PLD5: variants seen among roughly 807,000 people sequenced by gnomAD.
PLD5 encodes phospholipase D family member 5.
PLD5 carries 36 observed loss-of-function variants against 61.1 expected under a neutral mutation model. The ratio of observed to expected loss-of-function variants is 0.59; its 90% confidence interval spans 0.45 to 0.78. The LOEUF (loss-of-function observed/expected upper bound fraction) is 0.78. Among genes scored for constraint, PLD5 ranks in the 30% least tolerant of loss-of-function variants. PLD5 has a pLI of 0.00. For synonymous variants in PLD5, 243 were observed against 242.8 expected (o/e 1.00, Z -0.01); for missense variants, 515 against 644.4 (o/e 0.80, Z 2.17).
intron 6 of PLD5, among the ~76,000 whole-genome samples, chr1:242,115,761 T>A (rs2840616): frequency 0.85 from 129,753 of 152,178 alleles, 55,577 homozygotes; most frequent in South Asian, 0.95. Flanking sequence ...AGTGAAGGAA[T>A]ATCTGAGGGA....
intron 6 of PLD5, among the ~76,000 whole-genome samples, chr1:242,121,843 A>G (rs1156649332): frequency 6.6e-6 from 1 of 151,626 alleles, no homozygotes; most frequent in Non-Finnish European, 1.5e-5. Context: ...TCGCAAGGAC[A>G]GAAAACCAAA....
chr1:242,365,494 C>G, intron 1 of PLD5: 1 of 164,086 alleles, frequency 6.1e-6, no homozygotes, highest in East Asian at 1.8e-4. Flanking sequence ...AGAAGCTGGC[C>G]AAGAAGTAGG....
Position 242,298,885 on chromosome 1 carries a change from G to A in PLD5, c.327-10355C>T, listed in dbSNP as rs145987727. ...AAACTTGAGGAGGATGAAGACAAAA[G>A]AGGAAAACGGTGGAACGTAATGCAC... On this transcript the variant is annotated intron_variant, in intron 2 of 9. Transcript: ENST00000536534. Among the ~76,000 whole-genome samples, 1,121 of 152,248 alleles carry A rather than the reference G, an allele frequency of 7.4e-3. 10 individuals carry two copies. Among genetic ancestry groups the A allele is most frequent in the African/African-American group, 0.024 (1,002 of 41,552 alleles).
chr1:242,389,014 C>A (rs1217500484), intron 1 of PLD5, among the ~76,000 whole-genome samples: 1 of 150,246 alleles, frequency 6.7e-6, no homozygotes, highest in Non-Finnish European at 1.5e-5. Context: ...AAGATTGCGC[C>A]ACTGCACTCC....
At chr1:242,330,009 A>G (rs1204116049) in intron 2 of PLD5, among the ~76,000 whole-genome samples, 2 of 152,176 alleles carry the variant, frequency 1.3e-5, no homozygotes, top group Admixed American at 6.5e-5. Context: ...TTTAAACTGC[A>G]TAAGTTGTAA....
intron 1 of PLD5, among the ~76,000 whole-genome samples, chr1:242,496,858 T>A (rs113145813): frequency 1.2e-3 from 178 of 152,306 alleles, no homozygotes; most frequent in Non-Finnish European, 1.7e-3. Flanking sequence ...CTAGCTGCAG[T>A]ATGTGACTAA....
intron 1 of PLD5, among the ~76,000 whole-genome samples, chr1:242,437,739 G>C (rs1441658456): frequency 1.3e-5 from 2 of 152,098 alleles, no homozygotes; most frequent in African/African-American, 2.4e-5. Context: ...CTATGTGTCA[G>C]CTTCATCAAT....
chr1:242,215,043 A>ATTTTTTTTT (rs34759131), intron 5 of PLD5, among the ~76,000 whole-genome samples: 1 of 120,616 alleles, frequency 8.3e-6, no homozygotes, highest in African/African-American at 3.2e-5. Context: ...TGCCTGGCCA[A>ATTTTTTTTT]TTTTTTTTTT....
intron 3 of PLD5, among the ~76,000 whole-genome samples, chr1:242,275,764 G>A (rs1350904693): frequency 6.6e-6 from 1 of 152,196 alleles, no homozygotes; most frequent in Non-Finnish European, 1.5e-5. Context: ...AATGTTCCAG[G>A]TGGAGCCTAT....
chr1:242,451,550 C>G (rs1666779729), intron 1 of PLD5, among the ~76,000 whole-genome samples: 1 of 150,952 alleles, frequency 6.6e-6, no homozygotes, highest in Non-Finnish European at 1.5e-5. Flanking sequence ...ACTTCCGCCA[C>G]CCAGGGTCGA....
At position 242,310,076 on chromosome 1, in the gene PLD5, G is replaced by A. The variant is rs549526575; in HGVS notation, c.327-21546C>T. Among the ~76,000 whole-genome samples, 5 of 151,934 alleles carry A rather than the reference G, an allele frequency of 3.3e-5. No individual in the cohort carries two copies. In the East Asian group the frequency reaches 7.8e-4, roughly 24 times the overall value. On this transcript the variant is annotated intron_variant, in intron 2 of 9. Coordinates refer to ENST00000536534, the MANE Select transcript of PLD5 (RefSeq NM_001372062.1). ...CAATTTTTCTTTTTTCCAGCAAAAAGTCATCCTCACCAGGGGCTCCATACC... is the reference window on the plus strand; with the variant it reads ...CAATTTTTCTTTTTTCCAGCAAAAAATCATCCTCACCAGGGGCTCCATACC...
intron 1 of PLD5, among the ~76,000 whole-genome samples, chr1:242,433,880 A>G (rs1294239213): frequency 6.6e-6 from 1 of 152,176 alleles, no homozygotes; most frequent in Non-Finnish European, 1.5e-5. Flanking sequence ...GATTGTCACT[A>G]CTGAGGAGCA....
At chr1:242,191,422 C>A (rs1040497975) in intron 5 of PLD5, among the ~76,000 whole-genome samples, 1 of 152,022 alleles carries the variant, frequency 6.6e-6, no homozygotes, top group Non-Finnish European at 1.5e-5. Flanking sequence ...CCCATCTCTA[C>A]TATAAACACA....
At chr1:242,247,987 A>G (rs1256128048) in intron 4 of PLD5, among the ~76,000 whole-genome samples, 7 of 152,176 alleles carry the variant, frequency 4.6e-5, no homozygotes, top group African/African-American at 1.7e-4. Context: ...TGACCATCCA[A>G]TGGCACAAAT....
intron 4 of PLD5, among the ~76,000 whole-genome samples, chr1:242,254,111 G>C (rs1672875831): frequency 6.6e-6 from 1 of 152,122 alleles, no homozygotes; most frequent in Admixed American, 6.5e-5. Flanking sequence ...TCTTTCATCA[G>C]AAAATCACAG....
chr1:242,432,525 G>T (rs565179507), intron 1 of PLD5, among the ~76,000 whole-genome samples: 10 of 152,166 alleles, frequency 6.6e-5, no homozygotes, highest in Non-Finnish European at 1.3e-4. Context: ...GAAATCTGTC[G>T]TCTAAAGCTG....
intron 5 of PLD5, among the ~76,000 whole-genome samples, chr1:242,157,618 T>A (rs1353245533): frequency 1.3e-5 from 2 of 152,192 alleles, no homozygotes; most frequent in Non-Finnish European, 2.9e-5. Flanking sequence ...TGGAGTTTGC[T>A]GGAGGTCCAC....
intron 5 of PLD5, among the ~76,000 whole-genome samples, chr1:242,146,454 A>T (rs1664546782): frequency 6.6e-6 from 1 of 152,224 alleles, no homozygotes; most frequent in African/African-American, 2.4e-5. Flanking sequence ...TAGTGAATAC[A>T]TCAAAGTCTA....
At chr1:242,223,145 G>A (rs1171392213) in intron 4 of PLD5, among the ~76,000 whole-genome samples, 2 of 152,158 alleles carry the variant, frequency 1.3e-5, no homozygotes, top group Non-Finnish European at 2.9e-5. Context: ...CCTCCTCACT[G>A]TGTCCTCATG....
Sources: allele counts gnomAD v4.1 joint callset (sites outside exome capture counted in the v4.1 genomes callset), GRCh38; gene constraint gnomAD v4.1.1; transcripts MANE v1.5; gene names NCBI Gene and HGNC (gene_info 2026-07-23, HGNC 2026-07-21).